Variants in DAB1 observed in about 807,000 individuals in gnomAD.
DAB1 encodes disabled homolog 1.
Under a neutral mutation model 64.6 loss-of-function variants are expected in DAB1, and 15 were observed. The observed-to-expected ratio is 0.23, with a 90% CI of 0.16 to 0.36. The LOEUF (loss-of-function observed/expected upper bound fraction) is 0.36. Ranked by LOEUF, DAB1 falls within the 10% of genes least tolerant of loss-of-function variation. DAB1 has a pLI of 1.00. For missense variants in DAB1, 596 were observed against 706.7 expected, an observed-to-expected ratio of 0.84 and a Z score of 1.78; for synonymous variants, 235 against 251.9, an observed-to-expected ratio of 0.93 and a Z score of 0.64.
rs1645468830 is a variant in DAB1, at chr1:58,480,893, T to A, written n.257+25167A>T. 5.4e-6 allele frequency: 4 copies of A among 740,554 alleles called. No homozygotes were observed. In the Admixed American group the frequency reaches 9.7e-5, roughly 18 times the overall value. 45.9% of individuals were successfully genotyped at this position (740,554 alleles called of 1,614,324 possible). A position where few individuals can be genotyped will look rare whatever the true frequency, so the allele number is the denominator to read the frequency against. On this transcript the variant is annotated intron_variant and non_coding_transcript_variant, in intron 3 of 20. Transcript: ENST00000485760. ...TTTTTTTTTTCACTTCAAACATCAT[T>A]TTTTAAAAAGTAACATAAAATGATA...
chr1:57,546,066 A>AGT (rs61208960), intron 7 of DAB1, among the ~76,000 whole-genome samples: 2,619 of 147,446 alleles, frequency 0.018, 88 homozygotes, highest in African/African-American at 0.063. Flanking sequence ...AGCAGAGGGG[A>AGT]GTGTGTGTGT....
chr1:57,215,473 A>G (rs1424626594), intron 2 of DAB1, among the ~76,000 whole-genome samples: 1 of 152,180 alleles, frequency 6.6e-6, no homozygotes, highest in East Asian at 1.9e-4. Flanking sequence ...TATGTCCTAT[A>G]TTAACTCCCT....
intron 3 of DAB1, among the ~76,000 whole-genome samples, chr1:58,420,215 T>G (rs1644759057): frequency 6.6e-6 from 1 of 152,218 alleles, no homozygotes; most frequent in Non-Finnish European, 1.5e-5. Flanking sequence ...ATTTCACAGC[T>G]GTCCCATCTA....
chr1:58,494,611 T>C (rs971622565), intron 3 of DAB1, among the ~76,000 whole-genome samples: 4 of 152,096 alleles, frequency 2.6e-5, no homozygotes, highest in African/African-American at 7.2e-5. Context: ...GGGTGAAGGA[T>C]ATGAACAGAC....
At chr1:58,353,315 A>T (rs191622022) in intron 3 of DAB1, among the ~76,000 whole-genome samples, 1 of 152,336 alleles carries the variant, frequency 6.6e-6, no homozygotes, top group African/African-American at 2.4e-5. Context: ...AGTTGATTTC[A>T]TTCCAGCCAA....
At chr1:58,513,117 A>G in intron 2 of DAB1, among the ~76,000 whole-genome samples, 1 of 152,010 alleles carries the variant, frequency 6.6e-6, no homozygotes, top group East Asian at 1.9e-4. Context: ...CGAGGGAGGG[A>G]CTTGGTAGGA....
At chr1:57,061,574 G>C (rs1232298726) in intron 9 of DAB1, among the ~76,000 whole-genome samples, 1 of 152,208 alleles carries the variant, frequency 6.6e-6, no homozygotes, top group Non-Finnish European at 1.5e-5. Flanking sequence ...CTCACTTTGA[G>C]CTGGAATTGA....
intron 5 of DAB1, among the ~76,000 whole-genome samples, chr1:57,983,052 T>C (rs1646105267): frequency 6.6e-6 from 1 of 152,218 alleles, no homozygotes; most frequent in Non-Finnish European, 1.5e-5. Flanking sequence ...ATTCCTGCTC[T>C]TACAGTGTAC....
chr1:58,479,058 ATTATCTC>A (rs1249531056), intron 3 of DAB1, among the ~76,000 whole-genome samples: 2 of 152,206 alleles, frequency 1.3e-5, no homozygotes, highest in Non-Finnish European at 2.9e-5. Context: ...CTATAAAGAT[ATTATCTC>A]TGCTCTTTCT....
At chr1:57,491,060 C>T (rs1011877717) in intron 7 of DAB1, among the ~76,000 whole-genome samples, 2 of 152,188 alleles carry the variant, frequency 1.3e-5, no homozygotes, top group East Asian at 3.9e-4. Context: ...CATCTCACTT[C>T]ACATCTCTCT....
At chr1:58,400,768 CT>C (rs966105714) in intron 3 of DAB1, among the ~76,000 whole-genome samples, 17 of 152,092 alleles carry the variant, frequency 1.1e-4, no homozygotes, top group African/African-American at 4.1e-4. Context: ...ATAATTATAA[CT>C]GTAGATTATG....
intron 3 of DAB1, among the ~76,000 whole-genome samples, chr1:58,426,859 A>G (rs919899814): frequency 6.6e-6 from 1 of 152,250 alleles, no homozygotes; most frequent in Non-Finnish European, 1.5e-5. Context: ...ATGGAAAAAA[A>G]TTAAGTCAGG....
At chr1:57,394,200 T>G (rs1682622885) in intron 1 of DAB1, among the ~76,000 whole-genome samples, 1 of 152,232 alleles carries the variant, frequency 6.6e-6, no homozygotes, top group African/African-American at 2.4e-5. Flanking sequence ...AAGCAATCTT[T>G]TCCTTAACAC....
At chr1:58,372,389 T>G (rs1644272744) in intron 3 of DAB1, among the ~76,000 whole-genome samples, 2 of 152,200 alleles carry the variant, frequency 1.3e-5, no homozygotes, top group South Asian at 4.1e-4. Flanking sequence ...TTATCCAACG[T>G]CTGTACCCCC....
At chr1:57,090,334 A>C (rs984526080) in intron 4 of DAB1, among the ~76,000 whole-genome samples, 3 of 152,186 alleles carry the variant, frequency 2.0e-5, no homozygotes, top group African/African-American at 7.2e-5. Context: ...CACAAGGATG[A>C]AAATCCAGGG....
At chr1:57,324,560 A>G (rs1179221626) in intron 1 of DAB1, among the ~76,000 whole-genome samples, 3 of 151,396 alleles carry the variant, frequency 2.0e-5, no homozygotes, top group African/African-American at 7.4e-5. Flanking sequence ...AGTGCGCATT[A>G]GAGAGGAGAA....
intron 1 of DAB1, among the ~76,000 whole-genome samples, chr1:57,310,475 G>GGTATCCCTAGAGATGGAAAGTAT (rs1674599380): frequency 1.3e-5 from 2 of 152,216 alleles, no homozygotes; most frequent in South Asian, 4.2e-4. Flanking sequence ...TACCAGAGCT[G>GGTATCCCTAGAGATGGAAAGTAT]GGCCCTAGAG....
intron 7 of DAB1, among the ~76,000 whole-genome samples, chr1:57,544,502 A>C (rs976491277): frequency 4.6e-5 from 7 of 152,144 alleles, no homozygotes; most frequent in Non-Finnish European, 1.0e-4. Context: ...AGATTATTGT[A>C]GTCACTTCCT....
rs1231076633 is a variant in DAB1, at chr1:57,665,833, C to CT, written n.552-16169dup. On this transcript the variant is annotated intron_variant and non_coding_transcript_variant, in intron 6 of 20. Transcript: ENST00000485760. ...ACAGGATTGGTTTTTTTTTTCTTCC[C>CT]TTTTTTTTTAATTATCTGTGTGTGT... Among the ~76,000 whole-genome samples, 205 of 137,470 alleles carry CT rather than the reference C, an allele frequency of 1.5e-3. 2 individuals carry two copies. Among genetic ancestry groups the CT allele is most frequent in the African/African-American group, 5.3e-3 (196 of 36,944 alleles). 90.2% of individuals were successfully genotyped at this position (137,470 alleles called of 152,430 possible).
Sources: gnomAD v4.1 joint callset for allele counts (sites outside exome capture counted in the v4.1 genomes callset) on GRCh38, gnomAD v4.1.1 for gene constraint, MANE v1.5 for transcripts, NCBI Gene and HGNC (gene_info 2026-07-23, HGNC 2026-07-21) for gene names.